Variants in SGMS2 observed in about 807,000 individuals in gnomAD.
SGMS2 encodes sphingomyelin synthase 2.
In SGMS2, 21 loss-of-function variants were observed where a neutral mutation model predicts 43.8. The ratio of observed to expected loss-of-function variants is 0.48; its 90% CI spans 0.34 to 0.69. SGMS2 has a LOEUF of 0.69. Among genes scored for constraint, SGMS2 ranks in the 30% least tolerant of loss-of-function variants. The pLI is 0.01. For synonymous variants in SGMS2, 167 were observed against 160.6 expected, an observed-to-expected ratio of 1.04 and a Z score of -0.30; for missense variants, 384 against 443.2, an observed-to-expected ratio of 0.87 and a Z score of 1.20.
chr4:107,901,243 C>T (rs1345007759), intron 4 of SGMS2, among the ~76,000 whole-genome samples: 1 of 152,094 alleles, frequency 6.6e-6, no homozygotes, highest in African/African-American at 2.4e-5. Flanking sequence ...CATAAGCAAG[C>T]CATATATGCC....
chr4:107,828,302 C>G (rs1342931737), intron 1 of SGMS2, among the ~76,000 whole-genome samples: 2 of 152,192 alleles, frequency 1.3e-5, no homozygotes, highest in Non-Finnish European at 2.9e-5. Context: ...TACATCAAAT[C>G]TCTTGTAATC....
At chr4:107,865,458 G>T (rs1329620679) in intron 2 of SGMS2, among the ~76,000 whole-genome samples, 1 of 152,072 alleles carries the variant, frequency 6.6e-6, no homozygotes, top group Admixed American at 6.6e-5. Context: ...TTTGGAAAAG[G>T]CCTTTTAAAG....
At position 107,843,518 on chromosome 4, in the gene SGMS2, C is replaced by T. The variant is rs551688490; in HGVS notation, c.-326-14954C>T. ...GATGTGCTTGTCAACAAAGAGAAGCCGAATAAGCTGAGTGTCATGGCAACA... is the reference window on the plus strand; with the variant it reads ...GATGTGCTTGTCAACAAAGAGAAGCTGAATAAGCTGAGTGTCATGGCAACA... On this transcript the variant is annotated intron_variant, in intron 1 of 6. Transcript: ENST00000690982. Among the ~76,000 whole-genome samples the T allele has an allele frequency of 9.2e-5, 14 of 152,212 alleles. 1 individual carries two copies. The South Asian group carries it at 2.1e-3, about 23-fold the overall frequency.
At chr4:107,880,833 G>T (rs1729277163) in intron 2 of SGMS2, among the ~76,000 whole-genome samples, 1 of 137,000 alleles carries the variant, frequency 7.3e-6, no homozygotes, top group African/African-American at 2.8e-5. Context: ...CAGCCTAGGT[G>T]ACATAGCGAG....
At chr4:107,838,917 T>C (rs1185100595) in intron 1 of SGMS2, among the ~76,000 whole-genome samples, 1 of 152,186 alleles carries the variant, frequency 6.6e-6, no homozygotes, top group Non-Finnish European at 1.5e-5. Context: ...AGCCACTGCC[T>C]TGCCTGGACT....
At chr4:107,861,419 C>T (rs1029591062) in intron 2 of SGMS2, among the ~76,000 whole-genome samples, 6 of 152,184 alleles carry the variant, frequency 3.9e-5, no homozygotes, top group Non-Finnish European at 7.3e-5. Context: ...TGAGCCAAAA[C>T]ATTTTACAGG....
chr4:107,903,325 A>G lies in SGMS2; in HGVS notation c.666A>G (p.Gly222=). The stretch of plus-strand genomic sequence containing the variant: ...TAACTGGATCACATATCTTATGTGG[A>G]GACTTCCTCTTCAGCGGTCACACGG... ...LSITGSHILC[G]DFLFSGHTVT... Residue 222 remains glycine, a synonymous_variant, in exon 5 of 7, where the codon GGA becomes GGG. Coordinates refer to ENST00000690982, the MANE Select transcript of SGMS2 (RefSeq NM_001375905.1). The G allele has an allele frequency of 1.1e-5, 17 of 1,613,886 alleles. No homozygotes were observed. Among genetic ancestry groups the G allele is most frequent in the Non-Finnish European group, 1.4e-5 (17 of 1,179,844 alleles).
chr4:107,902,656 A>T (rs1731224104), intron 4 of SGMS2, among the ~76,000 whole-genome samples: 1 of 152,166 alleles, frequency 6.6e-6, no homozygotes, highest in Admixed American at 6.5e-5. Flanking sequence ...TCCTAATCAA[A>T]GCTACTCATT....
In SGMS2 at chr4:107,897,444, C is replaced by A. The variant is rs1045510740; in HGVS notation, c.455+1436C>A. ...TCTGGAAATTAACACAATGTAAGAG[C>A]CTGCTAAGGCGGCAGATAATTTGCT... On this transcript the variant is annotated intron_variant, in intron 3 of 6. Transcript: ENST00000690982. Among the ~76,000 whole-genome samples, 5 of 152,164 alleles carry A rather than the reference C, an allele frequency of 3.3e-5. No homozygotes were observed. The South Asian group carries it at 6.2e-4, about 19-fold the overall frequency.
intron 2 of SGMS2, among the ~76,000 whole-genome samples, chr4:107,872,011 C>T (rs550435541): frequency 6.8e-4 from 103 of 152,118 alleles, no homozygotes; most frequent in Non-Finnish European, 1.2e-3. Context: ...ATACTATACA[C>T]ATGCTATTTT....
At chr4:107,879,286 G>A (rs1268723198) in intron 2 of SGMS2, among the ~76,000 whole-genome samples, 2 of 151,950 alleles carry the variant, frequency 1.3e-5, no homozygotes, top group African/African-American at 4.8e-5. Context: ...TCATTAGATA[G>A]TTCTTGATCT....
chr4:107,836,031 T>C (rs1014064911), intron 1 of SGMS2, among the ~76,000 whole-genome samples: 5 of 152,376 alleles, frequency 3.3e-5, no homozygotes, highest in African/African-American at 9.6e-5. Context: ...GTTTATAACA[T>C]TTTATTTAGC....
At chr4:107,900,051 G>A (rs980337677) in intron 4 of SGMS2, among the ~76,000 whole-genome samples, 10 of 151,930 alleles carry the variant, frequency 6.6e-5, no homozygotes, top group Admixed American at 4.6e-4. Flanking sequence ...ATTCTATTGA[G>A]GGATGACAAA....
intron 2 of SGMS2, among the ~76,000 whole-genome samples, chr4:107,877,869 G>C (rs1175532768): frequency 1.3e-5 from 2 of 149,980 alleles, no homozygotes; most frequent in Non-Finnish European, 3.0e-5. Context: ...GGGATGGAAA[G>C]TAGAAAATTT....
At chr4:107,871,832 T>A (rs962101329) in intron 2 of SGMS2, among the ~76,000 whole-genome samples, 2 of 152,214 alleles carry the variant, frequency 1.3e-5, no homozygotes, top group African/African-American at 4.8e-5. Flanking sequence ...TTTGATAGCT[T>A]TAACTTTTAT....
At position 107,901,137 on chromosome 4, in the gene SGMS2, G is replaced by A. The variant is rs530755793; in HGVS notation, c.573+1445G>A. 3.9e-4 allele frequency among the ~76,000 whole-genome samples: 60 copies of A among 152,274 alleles called. 3 individuals are homozygous for A. In the South Asian group the frequency reaches 0.012, roughly 30 times the overall value. On this transcript the variant is annotated intron_variant, in intron 4 of 6. Coordinates refer to ENST00000690982, the MANE Select transcript of SGMS2 (RefSeq NM_001375905.1). The stretch of plus-strand genomic sequence containing the variant: ...AATCTTTGGAAGCCACATCAGTGCC[G>A]TTGGATAGCCAAGCTACAAATAGTC...
chr4:107,877,634 C>T (rs574360993), intron 2 of SGMS2, among the ~76,000 whole-genome samples: 80 of 152,104 alleles, frequency 5.3e-4, no homozygotes, highest in Non-Finnish European at 1.0e-3. Flanking sequence ...CTATCTTGTA[C>T]GAAATGATTC....
intron 2 of SGMS2, among the ~76,000 whole-genome samples, chr4:107,879,338 C>T (rs1729167208): frequency 6.6e-6 from 1 of 152,110 alleles, no homozygotes; most frequent in African/African-American, 2.4e-5. Flanking sequence ...TTCAGAGTCA[C>T]TGCAAAAGTA....
intron 2 of SGMS2, among the ~76,000 whole-genome samples, chr4:107,871,695 C>T (rs1476648828): frequency 6.6e-6 from 1 of 152,078 alleles, no homozygotes; most frequent in African/African-American, 2.4e-5. Flanking sequence ...AGTTTGGTCA[C>T]TGTTTTTCAT....
Sources: gnomAD v4.1 joint callset for allele counts (sites outside exome capture counted in the v4.1 genomes callset) on GRCh38, gnomAD v4.1.1 for gene constraint, MANE v1.5 for transcripts, NCBI Gene and HGNC (gene_info 2026-07-23, HGNC 2026-07-21) for gene names.